RBM20: variants seen among roughly 807,000 people sequenced by gnomAD.
RBM20 encodes RNA binding motif protein 20.
In RBM20, 51 loss-of-function variants were observed where a neutral mutation model predicts 110.1. The observed-to-expected ratio is 0.46, with a 90% CI of 0.37 to 0.59. The LOEUF is 0.59. Among genes scored for constraint, RBM20 ranks in the 20% least tolerant of loss-of-function variants. RBM20 has a pLI of 0.00. For missense variants in RBM20, 1,512 were observed against 1,574.9 expected (o/e 0.96, Z 0.68); for synonymous variants, 589 against 618.2 (o/e 0.95, Z 0.70).
At chr10:110,726,913 C>A (rs529150326) in intron 1 of RBM20, among the ~76,000 whole-genome samples, 2 of 152,280 alleles carry the variant, frequency 1.3e-5, no homozygotes, top group East Asian at 3.9e-4. Context: ...ATGGTGCAAC[C>A]TTGGCTCACT....
rs1346645517 is a variant in RBM20, at chr10:110,739,928, TG to T, written c.192-40870del. On this transcript the variant is annotated intron_variant, in intron 1 of 13. Coordinates refer to ENST00000369519, the MANE Select transcript of RBM20 (RefSeq NM_001134363.3). This position sits in a 1 kb window ranked among gnomAD's most constrained non-coding sequence, Gnocchi z 4.1. ...CCCGTCTGGGTCCTCCTGCCCTCAC[TG>T]GGTGTTCCCAGCCCCACTATACTGT... Among the ~76,000 whole-genome samples, 1 of 152,224 alleles carries T rather than the reference TG, an allele frequency of 6.6e-6. No homozygotes were observed. Among genetic ancestry groups the T allele is most frequent in the African/African-American group, 2.4e-5 (1 of 41,464 alleles).
intron 1 of RBM20, among the ~76,000 whole-genome samples, chr10:110,651,036 G>A (rs992565276): frequency 1.3e-5 from 2 of 152,214 alleles, no homozygotes; most frequent in Non-Finnish European, 2.9e-5. Context: ...CTGGGAGTCA[G>A]TGACCTGGAC....
chr10:110,665,429 A>G (rs1564809428), intron 1 of RBM20, among the ~76,000 whole-genome samples: 1 of 152,216 alleles, frequency 6.6e-6, no homozygotes, highest in South Asian at 2.1e-4. Flanking sequence ...ATGCAGGAAC[A>G]TGTACAAATG....
intron 1 of RBM20, among the ~76,000 whole-genome samples, chr10:110,752,816 A>C (rs1429935742): frequency 6.7e-6 from 1 of 150,044 alleles, no homozygotes; most frequent in African/African-American, 2.5e-5. Flanking sequence ...CCTTTGTGTA[A>C]TTTCCTTGCT....
At chr10:110,758,613 G>A (rs1288786201) in intron 1 of RBM20, among the ~76,000 whole-genome samples, 5 of 152,116 alleles carry the variant, frequency 3.3e-5, no homozygotes, top group Admixed American at 2.6e-4. Flanking sequence ...GATATGAAGC[G>A]ACACTGCCCA....
At chr10:110,744,333 A>G (rs1431238696) in intron 1 of RBM20, among the ~76,000 whole-genome samples, 1 of 152,158 alleles carries the variant, frequency 6.6e-6, no homozygotes, top group Non-Finnish European at 1.5e-5. Context: ...GGCCCTCAGA[A>G]TCTCCAGGGG....
intron 3 of RBM20, 107 bp downstream of exon 3, chr10:110,783,534 C>T: frequency 3.7e-6 from 3 of 817,244 alleles, no homozygotes; most frequent in Non-Finnish European, 3.9e-6. Context: ...ATAGCAGAGA[C>T]CAGAACAGGC....
At chr10:110,643,961 A>G (rs911411472), upstream of RBM20, among the ~76,000 whole-genome samples, 4 of 152,110 alleles carry the variant, frequency 2.6e-5, no homozygotes, top group Non-Finnish European at 5.9e-5. Context: ...GGCCGCGCGC[A>G]CCGTCCCCAG....
chr10:110,816,681 T>C (rs2135113128), intron 9 of RBM20, among the ~76,000 whole-genome samples: 1 of 152,304 alleles, frequency 6.6e-6, no homozygotes, highest in East Asian at 1.9e-4. Flanking sequence ...TTTTGTCTGT[T>C]GTGTTCACTG....
rs549194796 is a variant in RBM20, at chr10:110,734,241, G to A, written c.192-46560G>A. On this transcript the variant is annotated intron_variant, in intron 1 of 13. Transcript: ENST00000369519. The stretch of plus-strand genomic sequence containing the variant: ...TGTGTCCCAGGAGAAACTGATTCGT[G>A]CTTCCTTGGATGAGATGTTGAGCAA... Among the ~76,000 whole-genome samples, 6 of 152,326 alleles carry A rather than the reference G, an allele frequency of 3.9e-5. No homozygotes were observed. The East Asian group carries it at 1.2e-3, about 29-fold the overall frequency.
At chr10:110,709,668 G>A (rs1371110092) in intron 1 of RBM20, among the ~76,000 whole-genome samples, 2 of 151,418 alleles carry the variant, frequency 1.3e-5, no homozygotes, top group Non-Finnish European at 1.5e-5. Flanking sequence ...CTGAGCTCAG[G>A]TGATCCTCCC....
intron 1 of RBM20, among the ~76,000 whole-genome samples, chr10:110,723,694 CAT>C (rs1161725434): frequency 6.6e-6 from 1 of 152,226 alleles, no homozygotes; most frequent in Non-Finnish European, 1.5e-5. Flanking sequence ...AACATCTTCT[CAT>C]GTGCTTAATG....
At position 110,830,251 on chromosome 10, in the gene RBM20, C is replaced by T. The variant is rs535974949; in HGVS notation, c.3452-810C>T. On this transcript the variant is annotated intron_variant, in intron 12 of 13. Coordinates refer to ENST00000369519, the MANE Select transcript of RBM20 (RefSeq NM_001134363.3). ...ACCTTCGTGGAGGCTGGAGCAGCCA[C>T]CATCCCTTCAAGGATGACTCCCCTG... Among the ~76,000 whole-genome samples, 10 of 152,346 alleles carry T rather than the reference C, an allele frequency of 6.6e-5. No homozygotes were observed. In the South Asian group the frequency reaches 1.0e-3, roughly 16 times the overall value.
chr10:110,707,694 G>T (rs747344858), intron 1 of RBM20, among the ~76,000 whole-genome samples: 47 of 152,128 alleles, frequency 3.1e-4, no homozygotes, highest in Non-Finnish European at 5.7e-4. Flanking sequence ...ACTCATATGT[G>T]GGAGCTAAAA....
In RBM20 at chr10:110,733,106, G is replaced by A. The variant is rs145357838; in HGVS notation, c.192-47695G>A. 8.5e-5 allele frequency among the ~76,000 whole-genome samples: 13 copies of A among 152,308 alleles called. No individual in the cohort carries two copies. In the East Asian group the frequency reaches 2.3e-3, roughly 27 times the overall value. On this transcript the variant is annotated intron_variant, in intron 1 of 13. Coordinates refer to ENST00000369519, the MANE Select transcript of RBM20 (RefSeq NM_001134363.3). ...GCACCGTCACCACCGTATTGCAGAA[G>A]GGAAGCTTGTAAGGCTCTGAAAGGA... is the stretch of plus-strand genomic sequence containing the variant.
chr10:110,702,697 G>A (rs1004172675), intron 1 of RBM20, among the ~76,000 whole-genome samples: 1 of 152,206 alleles, frequency 6.6e-6, no homozygotes, highest in Non-Finnish European at 1.5e-5. Flanking sequence ...GCCCTCATGG[G>A]CGTAATGCAG....
chr10:110,748,665 TTCTC>T (rs151057897), intron 1 of RBM20, among the ~76,000 whole-genome samples: 7 of 151,108 alleles, frequency 4.6e-5, no homozygotes, highest in Admixed American at 1.3e-4. Context: ...TAGTTATATC[TTCTC>T]TCTCTCTCTC....
chr10:110,684,681 G>A (rs1417933952), intron 1 of RBM20, among the ~76,000 whole-genome samples: 1 of 152,200 alleles, frequency 6.6e-6, no homozygotes, highest in Non-Finnish European at 1.5e-5. Context: ...GCAAAATTCA[G>A]GCATGCTGTT....
chr10:110,722,017 CT>C (rs1487046602), intron 1 of RBM20, among the ~76,000 whole-genome samples: 2 of 152,124 alleles, frequency 1.3e-5, no homozygotes, highest in African/African-American at 2.4e-5. Flanking sequence ...GTCTCTGCCC[CT>C]GCCTTTTCTC....
Sources: gnomAD v4.1 joint callset for allele counts (sites outside exome capture counted in the v4.1 genomes callset) on GRCh38, gnomAD v4.1.1 for gene constraint, Gnocchi (gnomAD v3.1) non-coding constraint, MANE v1.5 for transcripts, NCBI Gene and HGNC (gene_info 2026-07-23, HGNC 2026-07-21) for gene names.